Variants in POLR3E observed in about 807,000 individuals in gnomAD.
POLR3E encodes DNA-directed RNA polymerase III subunit RPC5.
A neutral mutation model predicts 96.6 loss-of-function variants in POLR3E; 41 were observed. The observed-to-expected ratio is 0.42, with a 90% confidence interval of 0.33 to 0.55. The LOEUF (loss-of-function observed/expected upper bound fraction) is 0.55, where lower values mean the gene tolerates loss of function less well. Ranked by LOEUF, POLR3E falls within the 20% of genes least tolerant of loss-of-function variation. The probability of loss-of-function intolerance (pLI) is 0.06; values close to 1 mark genes in which losing one functional copy is unlikely to be tolerated. For missense variants in POLR3E, 849 were observed against 952.1 expected (o/e 0.89, Z 1.43); for synonymous variants, 396 against 383.6 (o/e 1.03, Z -0.38).
At position 22,326,213 on chromosome 16, in the gene POLR3E, G is replaced by A. The variant is rs773304266; in HGVS notation, c.1801G>A (p.Gly601Ser). ...GCCCCCCGGCCACACACTCTTCAGC[G>A]GCATCTCGGACCGCATGCTACAGGA... ...SLPPGHTLFSGISDRMLQDTV... is the reference protein window; with the variant it reads ...SLPPGHTLFSSISDRMLQDTV... Residue 601 changes from glycine (G) to serine (S), a missense_variant, in exon 18 of 21, where the codon GGC (glycine) becomes AGC (serine). Coordinates refer to ENST00000299853, the MANE Select transcript of POLR3E (RefSeq NM_018119.4). The A allele has an allele frequency of 2.5e-6, 4 of 1,613,506 alleles. No homozygotes were observed. The highest frequency in any genetic ancestry group is 2.5e-6 in the Non-Finnish European group (3 of 1,179,922).
chr16:22,326,285 A>T lies in POLR3E; in HGVS notation c.1866+7A>T. ...CAAGCAGATACTGGTGCCTGTAAGTAGAGCCCTGCCTGCCAGGGGCATGGG... is the reference window on the plus strand; with the variant it reads ...CAAGCAGATACTGGTGCCTGTAAGTTGAGCCCTGCCTGCCAGGGGCATGGG... On this transcript the variant is annotated splice_region_variant and intron_variant, in intron 18 of 20. Coordinates refer to ENST00000299853, the MANE Select transcript of POLR3E (RefSeq NM_018119.4). The T allele has an allele frequency of 1.3e-6, 1 of 761,888 alleles. No homozygotes were observed. The highest frequency in any genetic ancestry group is 2.0e-6 in the Non-Finnish European group (1 of 491,424). The allele number at this position is 761,888 out of a possible 1,614,324, so 47.2% of individuals were successfully genotyped here.
chr16:22,326,253 C>G lies in POLR3E; in HGVS notation c.1841C>G (p.Ala614Gly). 6.2e-7 allele frequency: 1 copy of G among 1,607,342 alleles called. No individual in the cohort carries two copies. The highest frequency in any genetic ancestry group is 1.7e-5 in the Admixed American group (1 of 59,022). ...ATGCTACAGGACACGGTGCTGGCCGCCGGTTGCAAGCAGATACTGGTGCCT... is the reference window on the plus strand; with the variant it reads ...ATGCTACAGGACACGGTGCTGGCCGGCGGTTGCAAGCAGATACTGGTGCCT... ...DRMLQDTVLA[A>G]GCKQILVPFP... The change falls in exon 18 of 21, where the codon GCC becomes GGC. Residue 614 changes from alanine to glycine, a missense_variant. Transcript: ENST00000299853.
chr16:22,323,957 G>A (rs1261034104), intron 14 of POLR3E, among the ~76,000 whole-genome samples: 1 of 152,180 alleles, frequency 6.6e-6, no homozygotes, highest in African/African-American at 2.4e-5. Flanking sequence ...AGAGCTTCTG[G>A]AAGGATGGGC....
In POLR3E at chr16:22,326,011, G is replaced by C. The variant is rs763321236; in HGVS notation, c.1599G>C (p.Gly533=). 20 of 1,597,990 alleles carry C rather than the reference G, an allele frequency of 1.3e-5. No homozygotes were observed. Among genetic ancestry groups the C allele is most frequent in the East Asian group, 6.8e-5 (3 of 44,440 alleles). ...PSGLHSKLAN[G]LPLGRAAGTD... is the part of the protein sequence containing the mutation. ...GCCTCCACAGCAAGCTGGCCAACGGGCTGCCTCTCGGGCGGGCTGCGGGCA... is the reference window on the plus strand; with the variant it reads ...GCCTCCACAGCAAGCTGGCCAACGGCCTGCCTCTCGGGCGGGCTGCGGGCA... The change falls in exon 18 of 21, where the codon GGG becomes GGC. Residue 533 remains glycine, a synonymous_variant. Transcript: ENST00000299853.
intron 13 of POLR3E, among the ~76,000 whole-genome samples, chr16:22,319,549 G>A (rs1363847356): frequency 2.0e-5 from 3 of 151,778 alleles, no homozygotes; most frequent in South Asian, 2.1e-4. Flanking sequence ...CAAGGCACCC[G>A]CCACCACGCC....
intron 19 of POLR3E, among the ~76,000 whole-genome samples, chr16:22,330,619 T>C (rs2048716973): frequency 6.6e-6 from 1 of 152,340 alleles, no homozygotes; most frequent in Non-Finnish European, 1.5e-5. Flanking sequence ...TGAGACTCGC[T>C]CTTCCCCATG....
chr16:22,306,294 T>C lies in POLR3E; in HGVS notation c.87+1088T>C, dbSNP rs371760042. 7.9e-4 allele frequency among the ~76,000 whole-genome samples: 120 copies of C among 152,322 alleles called. 3 individuals carry two copies. The South Asian group carries it at 0.023, about 29-fold the overall frequency. ...TTTGTTTTGAGACACAGTCTTGCTC[T>C]GTTGCCCAGGCTGGAGTGCAGTGGC... is the stretch of plus-strand genomic sequence containing the variant. On this transcript the variant is annotated intron_variant, in intron 3 of 20. Coordinates refer to ENST00000299853, the MANE Select transcript of POLR3E (RefSeq NM_018119.4).
rs775917917 is a variant in POLR3E at position 22,325,841 on chromosome 16, C to T, written c.1429C>T (p.Arg477Trp). ...CCAGCAGAACCACGCGTTGCTGGAG[C>T]GGGAGCTGCAGCGGCGGAAGGAGCA... ...KAQQNHALLERELQRRKEQLR... is the reference protein window; with the variant it reads ...KAQQNHALLEWELQRRKEQLR... The change falls in exon 18 of 21, where the codon CGG (arginine) becomes TGG (tryptophan). Residue 477 changes from arginine (R) to tryptophan (W), a missense_variant. Coordinates refer to ENST00000299853, the MANE Select transcript of POLR3E (RefSeq NM_018119.4). 6 of 1,611,960 alleles carry T rather than the reference C, an allele frequency of 3.7e-6. No homozygotes were observed. Among genetic ancestry groups the T allele is most frequent in the Admixed American group, 1.7e-5 (1 of 59,842 alleles).
chr16:22,325,547 G>A (rs2048563073), intron 17 of POLR3E, among the ~76,000 whole-genome samples: 1 of 152,178 alleles, frequency 6.6e-6, no homozygotes, highest in African/African-American at 2.4e-5. Flanking sequence ...GCCCGGAAGA[G>A]CTGCTGGGGG....
At chr16:22,316,963 C>A (rs911985767) in intron 10 of POLR3E, 32 bp from the exon 11 acceptor site, 2 of 1,612,494 alleles carry the variant, frequency 1.2e-6, no homozygotes, top group Non-Finnish European at 1.7e-6. Context: ...CTGGATCAGC[C>A]CTGAGCCTCT....
intron 18 of POLR3E, chr16:22,328,209 C>T (rs1369480300): frequency 3.3e-6 from 1 of 302,306 alleles, no homozygotes; most frequent in East Asian, 6.5e-5. Flanking sequence ...ACAGACGCAG[C>T]TTCCCCACTG....
intron 3 of POLR3E, chr16:22,305,498 A>C (rs945905255): frequency 4.8e-6 from 3 of 629,580 alleles, no homozygotes; most frequent in African/African-American, 1.8e-5. Context: ...ACCGTGGGCA[A>C]GTTTCTTAAT....
chr16:22,311,380 T>C (rs1387117101), intron 6 of POLR3E, among the ~76,000 whole-genome samples: 4 of 149,800 alleles, frequency 2.7e-5, no homozygotes, highest in Non-Finnish European at 5.9e-5. Flanking sequence ...CACTCACCAC[T>C]CACTCATCCA....
In POLR3E at chr16:22,318,100, CT is replaced by C. The variant is rs140511134; in HGVS notation, c.866-713del. Among the ~76,000 whole-genome samples the C allele has an allele frequency of 2.7e-3, 397 of 145,048 alleles. No homozygotes were observed. Among genetic ancestry groups the C allele is most frequent in the Middle Eastern group, 7.1e-3 (2 of 282 alleles). ...CTTCCTTCCTGCAGAGGACTTCGAA[CT>C]TTTTTTTTTTTTGAGACAGTCTTGC... is the stretch of plus-strand genomic sequence containing the variant. On this transcript the variant is annotated intron_variant, in intron 12 of 20. Transcript: ENST00000299853. The surrounding 1 kb of genome is among the most constrained non-coding windows in gnomAD (Gnocchi z 5.0).
chr16:22,317,171 C>T lies in POLR3E; in HGVS notation c.830C>T (p.Pro277Leu). 2.5e-6 allele frequency: 4 copies of T among 1,613,766 alleles called. No homozygotes were observed. Among genetic ancestry groups the T allele is most frequent in the Non-Finnish European group, 3.4e-6 (4 of 1,179,998 alleles). Residue 277 changes from proline (P) to leucine (L), a missense_variant, in exon 12 of 21, where the codon CCC (proline) becomes CTC (leucine). Physicochemically the swap from Pro to Leu is moderately conservative, Grantham distance 98 (BLOSUM62 -3). Transcript: ENST00000299853. ...VLSMAQLRTL[P>L]LADQIKILMK... is the part of the protein sequence containing the mutation. ...TCGATGGCCCAGCTGCGCACGCTGCCCCTGGCCGATCAGATCAAGATCCTG... is the reference window on the plus strand; with the variant it reads ...TCGATGGCCCAGCTGCGCACGCTGCTCCTGGCCGATCAGATCAAGATCCTG...
intron 9 of POLR3E, among the ~76,000 whole-genome samples, chr16:22,315,757 CGCCTCCCGGGTTCAAGTGATTCTTCT>C (rs1567318621): frequency 6.6e-6 from 1 of 152,124 alleles, no homozygotes; most frequent in Non-Finnish European, 1.5e-5. Context: ...CTGCAACCTC[CGCCTCCCGGGTTCAAGTGATTCTTCT>C]GCCTCAACCT....
In POLR3E at chr16:22,297,553, G is replaced by T. The variant is rs1567302790; in HGVS notation, c.-39+16G>T. On this transcript the variant is annotated intron_variant, in intron 1 of 20. Coordinates refer to ENST00000299853, the MANE Select transcript of POLR3E (RefSeq NM_018119.4). Reference sequence around the variant, plus strand: ...CCGCGGAGAGGTGAGTCCCGTCTTGGCAGTGCCCGAGCTGGGGCTTGAGCC... The same window carrying T: ...CCGCGGAGAGGTGAGTCCCGTCTTGTCAGTGCCCGAGCTGGGGCTTGAGCC... 6.6e-6 allele frequency: 1 copy of T among 152,444 alleles called. No homozygotes were observed. The allele number at this position is 152,444 out of a possible 1,614,324, so 9.4% of individuals were successfully genotyped here.
chr16:22,329,334 G>A (rs991599873), intron 19 of POLR3E, among the ~76,000 whole-genome samples: 1 of 152,144 alleles, frequency 6.6e-6, no homozygotes, highest in Non-Finnish European at 1.5e-5. Context: ...ACTGTGATGG[G>A]GAGGGTCACA....
chr16:22,325,554 G>C (rs889830326), intron 17 of POLR3E, among the ~76,000 whole-genome samples: 3 of 152,150 alleles, frequency 2.0e-5, no homozygotes, highest in South Asian at 2.1e-4. Context: ...AGAGCTGCTG[G>C]GGGGAGGAAC....
Sources: gnomAD v4.1 joint callset for allele counts (sites outside exome capture counted in the v4.1 genomes callset) on GRCh38, gnomAD v4.1.1 for gene constraint, Gnocchi (gnomAD v3.1) non-coding constraint, MANE v1.5 for transcripts, NCBI Gene and HGNC (gene_info 2026-07-23, HGNC 2026-07-21) for gene names.